The following ABCB11 variants were observed in gnomAD, a reference collection of about 807,000 sequenced individuals.
ABCB11 encodes the protein ATP binding cassette subfamily B member 11.
In ABCB11, 95 loss-of-function variants were observed where a neutral mutation model predicts 148.0. The ratio of observed to expected loss-of-function variants is 0.64; its 90% CI spans 0.54 to 0.76. The LOEUF (loss-of-function observed/expected upper bound fraction) is 0.76, where lower values mean the gene tolerates loss of function less well. Among genes scored for constraint, ABCB11 ranks in the 30% least tolerant of loss-of-function variants. ABCB11 has a pLI of 0.00. For synonymous variants in ABCB11, 591 were observed against 555.4 expected, an observed-to-expected ratio of 1.06 and a Z score of -0.90; for missense variants, 1,523 against 1,617.8, an observed-to-expected ratio of 0.94 and a Z score of 1.01.
intron 21 of ABCB11, among the ~76,000 whole-genome samples, chr2:168,940,415 C>CA (rs1692010672): frequency 6.6e-6 from 1 of 152,086 alleles, no homozygotes; most frequent in Non-Finnish European, 1.5e-5. Context: ...GAGACAAGAT[C>CA]AAACCTGCTA....
At chr2:168,965,390 G>T (rs1014737504) in intron 17 of ABCB11, among the ~76,000 whole-genome samples, 1 of 151,740 alleles carries the variant, frequency 6.6e-6, no homozygotes, top group African/African-American at 2.4e-5. Context: ...TGACAATTAT[G>T]TTGAGACCTT....
chr2:169,001,401 A>G (rs1320391664), intron 5 of ABCB11, among the ~76,000 whole-genome samples: 1 of 152,128 alleles, frequency 6.6e-6, no homozygotes, highest in East Asian at 1.9e-4. Flanking sequence ...TTTCATCTGA[A>G]AATGTCTTGA....
At chr2:169,003,364 G>GCA (rs1694933825) in intron 5 of ABCB11, among the ~76,000 whole-genome samples, 1 of 142,732 alleles carries the variant, frequency 7.0e-6, no homozygotes, top group African/African-American at 2.6e-5. Context: ...ATATATATAT[G>GCA]CACACACACA....
intron 18 of ABCB11, among the ~76,000 whole-genome samples, chr2:168,963,141 A>T (rs1693149961): frequency 6.6e-6 from 1 of 151,732 alleles, no homozygotes; most frequent in Non-Finnish European, 1.5e-5. Context: ...TGCATAATGG[A>T]TGTGCTTGTA....
chr2:168,999,681 T>G (rs952943960), intron 5 of ABCB11, among the ~76,000 whole-genome samples: 1 of 152,158 alleles, frequency 6.6e-6, no homozygotes, highest in Non-Finnish European at 1.5e-5. Context: ...GGATTCCATA[T>G]AATATAGATA....
downstream of ABCB11, among the ~76,000 whole-genome samples, chr2:168,915,897 G>A (rs191867216): frequency 7.9e-5 from 12 of 152,232 alleles, no homozygotes; most frequent in Admixed American, 2.6e-4. Flanking sequence ...AAAGCGTGTC[G>A]GATTGGGTGT....
chr2:168,961,026 A>G (rs1693049183), intron 18 of ABCB11, among the ~76,000 whole-genome samples: 1 of 151,764 alleles, frequency 6.6e-6, no homozygotes, highest in Non-Finnish European at 1.5e-5. Flanking sequence ...AGGGAGAGTA[A>G]CAATAGCTCT....
chr2:168,948,507 T>TTG (rs1166303634), intron 19 of ABCB11, among the ~76,000 whole-genome samples: 2 of 151,158 alleles, frequency 1.3e-5, no homozygotes, highest in East Asian at 2.0e-4. Context: ...TGGGTTTTTT[T>TTG]TTGTTGATGT....
chr2:168,943,955 A>G (rs1692187172), intron 21 of ABCB11, among the ~76,000 whole-genome samples: 1 of 151,966 alleles, frequency 6.6e-6, no homozygotes, highest in Non-Finnish European at 1.5e-5. Flanking sequence ...GAAAGTGGGT[A>G]GAGATGTTGG....
chr2:169,009,014 A>G (rs960001402), intron 5 of ABCB11, among the ~76,000 whole-genome samples: 1 of 152,202 alleles, frequency 6.6e-6, no homozygotes, highest in Admixed American at 6.5e-5. Context: ...AAAGAAGCCA[A>G]TCTCAAAGGA....
intron 17 of ABCB11, among the ~76,000 whole-genome samples, chr2:168,968,176 T>C (rs574451276): frequency 6.6e-6 from 1 of 151,864 alleles, no homozygotes; most frequent in South Asian, 2.1e-4. Context: ...ACACAACAAT[T>C]TTAACCATAA....
At chr2:168,983,911 G>T (rs1390233014) in intron 10 of ABCB11, among the ~76,000 whole-genome samples, 1 of 151,972 alleles carries the variant, frequency 6.6e-6, no homozygotes, top group East Asian at 1.9e-4. Flanking sequence ...TTCATTTTTT[G>T]TTTCCCTGAC....
At chr2:168,960,326 G>A (rs1206058004) in intron 18 of ABCB11, among the ~76,000 whole-genome samples, 4 of 151,708 alleles carry the variant, frequency 2.6e-5, no homozygotes, top group African/African-American at 7.3e-5. Flanking sequence ...TGTGCTGTAC[G>A]TACCATCAAA....
intron 25 of ABCB11, 28 bp downstream of exon 25, chr2:168,930,637 A>G (rs1348215686): frequency 6.8e-7 from 1 of 1,466,634 alleles, no homozygotes; most frequent in South Asian, 1.6e-5. Context: ...GCAGAAGGCA[A>G]AATTCTCAAA....
In ABCB11 at chr2:168,933,166, T is replaced by A. The variant is rs189855223; in HGVS notation, c.3057-633A>T. Reference sequence around the variant, plus strand: ...AGGGGGAAAAAGACTTCTGAAAAAATTTTTTTAAAAGAAAAAGCAGGCTTG... The same window carrying A: ...AGGGGGAAAAAGACTTCTGAAAAAAATTTTTTAAAAGAAAAAGCAGGCTTG... On this transcript the variant is annotated intron_variant, in intron 23 of 27. Transcript: ENST00000650372. 1.1e-3 allele frequency among the ~76,000 whole-genome samples: 165 copies of A among 150,372 alleles called. 2 individuals are homozygous for A. Among genetic ancestry groups the A allele is most frequent in the South Asian group, 0.011 (51 of 4,726 alleles).
rs2389612 is a variant in ABCB11 at position 168,969,675 on chromosome 2, C to T, written c.1810-124G>A. 0.016 allele frequency: 14,363 copies of T among 881,944 alleles called. 1,681 individuals carry two copies. In the East Asian group the frequency reaches 0.28, roughly 17 times the overall value. 54.6% of individuals were successfully genotyped at this position (881,944 alleles called of 1,614,324 possible). A position where few individuals can be genotyped will look rare whatever the true frequency, so the allele number is the denominator to read the frequency against. ...GTCCCTGGGAATATTCTTAAATAGG[C>T]TGTGCAGACATTAGAAAAGGCCAGC... On this transcript the variant is annotated intron_variant, in intron 15 of 27. Coordinates refer to ENST00000650372, the MANE Select transcript of ABCB11 (RefSeq NM_003742.4).
chr2:169,014,241 C>T (rs1373603222), intron 4 of ABCB11, 62 bp downstream of exon 4: 1 of 1,509,978 alleles, frequency 6.6e-7, no homozygotes. Context: ...TAACACTCCC[C>T]TCATGATCTA....
Position 168,979,854 on chromosome 2 carries a change from G to T in ABCB11, c.1197+12C>A. On this transcript the variant is annotated intron_variant, in intron 11 of 27. Transcript: ENST00000650372. The stretch of plus-strand genomic sequence containing the variant: ...CACCTGTTAATGGCCTTTACTTTTG[G>T]CTTATACATACCCTGTCTATTGTCT... 1.9e-6 allele frequency: 3 copies of T among 1,551,632 alleles called. No homozygotes were observed. The highest frequency in any genetic ancestry group is 2.7e-6 in the Non-Finnish European group (3 of 1,130,464).
chr2:168,950,748 GCTT>G (rs1358354289), intron 19 of ABCB11, among the ~76,000 whole-genome samples: 1 of 151,708 alleles, frequency 6.6e-6, no homozygotes, highest in African/African-American at 2.4e-5. Flanking sequence ...TCTGTTGACT[GCTT>G]CTTTTGCTGT....
Sources: gnomAD v4.1 joint callset for allele counts (sites outside exome capture counted in the v4.1 genomes callset) on GRCh38, gnomAD v4.1.1 for gene constraint, MANE v1.5 for transcripts, NCBI Gene and HGNC (gene_info 2026-07-23, HGNC 2026-07-21) for gene names.